Variants in HECW1 observed in about 807,000 individuals in gnomAD.
HECW1 encodes E3 ubiquitin-protein ligase HECW1.
In HECW1, 61 loss-of-function variants were observed where a neutral mutation model predicts 182.3. That is an observed-to-expected ratio of 0.33 (90% CI 0.27 to 0.41). HECW1 has a LOEUF of 0.41. HECW1 is among the 10% of genes least tolerant of loss of function. HECW1 has a pLI of 1.00. For missense variants in HECW1, 1,739 were observed against 2,108.9 expected (o/e 0.82, Z 3.44); for synonymous variants, 859 against 832.6 (o/e 1.03, Z -0.55).
chr7:43,440,037 C>CT (rs2076834686), intron 9 of HECW1: 1 of 152,440 alleles, frequency 6.6e-6, no homozygotes, highest in South Asian at 2.1e-4. Flanking sequence ...TCCACAGCCC[C>CT]TGGGGGCCAC....
chr7:43,114,817 T>A (rs1267897412), intron 2 of HECW1, among the ~76,000 whole-genome samples: 2 of 152,100 alleles, frequency 1.3e-5, no homozygotes, highest in African/African-American at 4.8e-5. Flanking sequence ...GGAGGTCACA[T>A]CCGGAGCTGG....
chr7:43,521,477 G>C (rs981259341), intron 24 of HECW1, among the ~76,000 whole-genome samples: 3 of 152,186 alleles, frequency 2.0e-5, no homozygotes, highest in Non-Finnish European at 4.4e-5. Context: ...TAGAGTTTTA[G>C]GAAAACATTT....
At chr7:43,116,365 C>T (rs570145441) in intron 2 of HECW1, among the ~76,000 whole-genome samples, 13 of 152,206 alleles carry the variant, frequency 8.5e-5, no homozygotes, top group Admixed American at 1.3e-4. Flanking sequence ...AAACAGAAGA[C>T]GTGAGCACCC....
intron 17 of HECW1, among the ~76,000 whole-genome samples, chr7:43,483,320 T>C (rs1045660711): frequency 3.9e-5 from 6 of 152,092 alleles, no homozygotes; most frequent in African/African-American, 1.2e-4. Context: ...GGACTTTTTT[T>C]CCTGACCCCA....
At chr7:43,358,304 G>A (rs1815420016) in intron 5 of HECW1, among the ~76,000 whole-genome samples, 2 of 152,162 alleles carry the variant, frequency 1.3e-5, no homozygotes, top group Non-Finnish European at 2.9e-5. Context: ...TGCCTCTCAG[G>A]CCAACACAGT....
At chr7:43,370,494 T>A (rs1817195912) in intron 6 of HECW1, among the ~76,000 whole-genome samples, 1 of 152,224 alleles carries the variant, frequency 6.6e-6, no homozygotes, top group South Asian at 2.1e-4. Context: ...GCAATCTCAC[T>A]CCTTGGTATT....
At chr7:43,410,482 A>C (rs2075765159) in intron 8 of HECW1, among the ~76,000 whole-genome samples, 1 of 152,112 alleles carries the variant, frequency 6.6e-6, no homozygotes, top group African/African-American at 2.4e-5. Flanking sequence ...TCACATATGA[A>C]CTTGGGGGTT....
intron 11 of HECW1, among the ~76,000 whole-genome samples, chr7:43,450,144 G>T (rs2077184610): frequency 6.6e-6 from 1 of 151,568 alleles, no homozygotes; most frequent in Non-Finnish European, 1.5e-5. Flanking sequence ...TACTTCCTTT[G>T]TCTCTTGTCC....
At chr7:43,522,952 C>A (rs191869066) in intron 24 of HECW1, 6 of 365,686 alleles carry the variant, frequency 1.6e-5, no homozygotes, top group African/African-American at 1.3e-4. Context: ...CTGGCACTTC[C>A]GCCTACTCTT....
chr7:43,488,929 A>G (rs1354389922), intron 17 of HECW1, among the ~76,000 whole-genome samples: 2 of 152,208 alleles, frequency 1.3e-5, no homozygotes, highest in Admixed American at 6.5e-5. Flanking sequence ...CCTTTGGGCT[A>G]ACTGGACTTC....
intron 6 of HECW1, among the ~76,000 whole-genome samples, chr7:43,371,459 G>A (rs1817351717): frequency 6.6e-6 from 1 of 152,052 alleles, no homozygotes; most frequent in African/African-American, 2.4e-5. Flanking sequence ...TAAACCTGCT[G>A]TAAAATAAAT....
At chr7:43,201,638 C>T (rs1260068709) in intron 2 of HECW1, among the ~76,000 whole-genome samples, 1 of 152,130 alleles carries the variant, frequency 6.6e-6, no homozygotes, top group African/African-American at 2.4e-5. Flanking sequence ...TTCCACTTTC[C>T]AAGTCTTTTT....
intron 3 of HECW1, among the ~76,000 whole-genome samples, chr7:43,284,875 C>T (rs1024329898): frequency 6.6e-6 from 1 of 152,054 alleles, no homozygotes; most frequent in Non-Finnish European, 1.5e-5. Flanking sequence ...AAGAAACACC[C>T]AAGGTTGCAG....
At chr7:43,526,865 G>A (rs1031371233) in intron 24 of HECW1, among the ~76,000 whole-genome samples, 2 of 152,180 alleles carry the variant, frequency 1.3e-5, no homozygotes, top group African/African-American at 4.8e-5. Context: ...GCATGGTGGT[G>A]TGCAACTGTG....
At chr7:43,391,549 C>A (rs1453807931) in intron 6 of HECW1, among the ~76,000 whole-genome samples, 1 of 152,138 alleles carries the variant, frequency 6.6e-6, no homozygotes, top group African/African-American at 2.4e-5. Context: ...TTCCCCAGCC[C>A]CTTTGTTGGG....
At chr7:43,430,000 A>G (rs2076491186) in intron 8 of HECW1, among the ~76,000 whole-genome samples, 1 of 152,208 alleles carries the variant, frequency 6.6e-6, no homozygotes, top group Non-Finnish European at 1.5e-5. Context: ...TTACTCTTGA[A>G]TATCCTCTAC....
chr7:43,123,464 C>T (rs1291503284), intron 2 of HECW1, among the ~76,000 whole-genome samples: 1 of 152,192 alleles, frequency 6.6e-6, no homozygotes, highest in Non-Finnish European at 1.5e-5. Context: ...TGCGCTTTGA[C>T]ATAAGTTGCC....
chr7:43,314,844 A>AATCAGAG (rs1252832104), intron 4 of HECW1, among the ~76,000 whole-genome samples: 1 of 152,228 alleles, frequency 6.6e-6, no homozygotes, highest in Non-Finnish European at 1.5e-5. Flanking sequence ...CCAGAGATCA[A>AATCAGAG]ATCAGAGATC....
At position 43,469,108 on chromosome 7, in the gene HECW1, G is replaced by C; in HGVS notation, c.3099+3G>C. 7 of 1,613,442 alleles carry C rather than the reference G, an allele frequency of 4.3e-6. No homozygotes were observed. Among genetic ancestry groups the C allele is most frequent in the Non-Finnish European group, 5.9e-6 (7 of 1,179,842 alleles). On this transcript the variant is annotated splice_donor_region_variant and intron_variant, in intron 16 of 29. Transcript: ENST00000395891. ...TCAAAACGGACCAGCAGGGAAAGGTGAGTGTGACCCACGTGCGGGGCTTTC... is the reference window on the plus strand; with the variant it reads ...TCAAAACGGACCAGCAGGGAAAGGTCAGTGTGACCCACGTGCGGGGCTTTC...
Sources: allele counts gnomAD v4.1 joint callset (sites outside exome capture counted in the v4.1 genomes callset), GRCh38; gene constraint gnomAD v4.1.1; transcripts MANE v1.5; gene names NCBI Gene and HGNC (gene_info 2026-07-23, HGNC 2026-07-21).